Variants in GOLGB1 observed in about 807,000 individuals in gnomAD.
The protein encoded by GOLGB1 is golgin B1, also known as golgin subfamily B member 1.
In GOLGB1, 174 loss-of-function variants were observed where a neutral mutation model predicts 336.9. That is an observed-to-expected ratio of 0.52 (90% CI 0.46 to 0.59). The LOEUF is 0.59. Among genes scored for constraint, GOLGB1 ranks in the 20% least tolerant of loss-of-function variants. The probability of loss-of-function intolerance (pLI) is 0.00; values close to 1 mark genes in which losing one functional copy is unlikely to be tolerated. For synonymous variants in GOLGB1, 1,208 were observed against 1,289.2 expected (o/e 0.94, Z 1.35); for missense variants, 3,331 against 3,645.3 (o/e 0.91, Z 2.22).
At position 121,692,586 on chromosome 3, in the gene GOLGB1, A is replaced by G; in HGVS notation, c.6783-5T>C. The G allele has an allele frequency of 6.5e-7, 1 of 1,527,430 alleles. No homozygotes were observed. Among genetic ancestry groups the G allele is most frequent in the African/African-American group, 1.4e-5 (1 of 71,772 alleles). 94.6% of individuals were successfully genotyped at this position (1,527,430 alleles called of 1,614,324 possible). ...ATCTGCTTGTCATGTTCAAGCCTGA[A>G]ACAGAGAGAAGGTCATTAGTTACAG... On this transcript the variant is annotated splice_region_variant and splice_polypyrimidine_tract_variant and intron_variant, in intron 13 of 21. Coordinates refer to ENST00000614479, the MANE Select transcript of GOLGB1 (RefSeq NM_001366282.2).
rs752086652 is a variant in GOLGB1 at position 121,696,182 on chromosome 3, C to G, written c.4341G>C (p.Gln1447His). ...CATGCTCTTTGGCTTGCATTTCTAG[C>G]TGTGTATGCAGAGCCTTAATTAAAT... is the stretch of plus-strand genomic sequence containing the variant. ...QEDLIKALHTQLEMQAKEHDE... is the reference protein window; with the variant it reads ...QEDLIKALHTHLEMQAKEHDE... The change falls in exon 13 of 22, where the codon CAG becomes CAC. Residue 1447 changes from glutamine (Q) to histidine (H), a missense_variant. Transcript: ENST00000614479. 1 of 1,613,940 alleles carries G rather than the reference C, an allele frequency of 6.2e-7. No homozygotes were observed. Among genetic ancestry groups the G allele is most frequent in the Admixed American group, 1.7e-5 (1 of 60,010 alleles).
At chr3:121,716,714 T>A in intron 9 of GOLGB1, 23 bp downstream of exon 9, 1 of 1,576,544 alleles carries the variant, frequency 6.3e-7, no homozygotes, top group East Asian at 2.2e-5. Flanking sequence ...AGATGTGGAC[T>A]TCAAAAGCAA....
chr3:121,730,007 T>C lies in GOLGB1; in HGVS notation c.107A>G (p.Gln36Arg). 1.2e-6 allele frequency: 2 copies of C among 1,611,582 alleles called. No individual in the cohort carries two copies. The highest frequency in any genetic ancestry group is 1.7e-6 in the Non-Finnish European group (2 of 1,178,516). The change falls in exon 3 of 22, where the codon CAA becomes CGA. Residue 36 changes from glutamine (Q) to arginine (R), a missense_variant. Coordinates refer to ENST00000614479, the MANE Select transcript of GOLGB1 (RefSeq NM_001366282.2). ...ATTATTAAATTCCATGTCAGATTCT[T>C]GGTGTAATTCCTAATATTTAGGAAA... ...MRAPLDPELH[Q>R]ESDMEFNNTT...
chr3:121,743,316 G>A (rs570058602), intron 1 of GOLGB1, among the ~76,000 whole-genome samples: 109 of 152,268 alleles, frequency 7.2e-4, no homozygotes, highest in African/African-American at 2.5e-3. Context: ...TCCTTGGCAG[G>A]GACATGGATG....
At position 121,726,931 on chromosome 3, in the gene GOLGB1, C is replaced by T; in HGVS notation, c.513G>A (p.Gln171=). 1.2e-6 allele frequency: 2 copies of T among 1,601,592 alleles called. No individual in the cohort carries two copies. The highest frequency in any genetic ancestry group is 1.7e-6 in the Non-Finnish European group (2 of 1,172,816). The change falls in exon 5 of 22, where the codon CAG becomes CAA. Residue 171 remains glutamine, a synonymous_variant. Transcript: ENST00000614479. ...STLQAQLTQA[Q]AEQPAQSSTE... Reference sequence around the variant, plus strand: ...CCCCTACCTGTGCAGGTTGTTCTGCCTGTGCCTGAGTAAGCTGGGCTTGCA... The same window carrying T: ...CCCCTACCTGTGCAGGTTGTTCTGCTTGTGCCTGAGTAAGCTGGGCTTGCA...
intron 1 of GOLGB1, among the ~76,000 whole-genome samples, chr3:121,743,883 T>A (rs1947056299): frequency 6.6e-6 from 1 of 152,122 alleles, no homozygotes; most frequent in African/African-American, 2.4e-5. Flanking sequence ...AAATTTTAAT[T>A]AGAATATTAA....
intron 15 of GOLGB1, among the ~76,000 whole-genome samples, chr3:121,678,952 G>C (rs1940744896): frequency 1.3e-5 from 2 of 152,056 alleles, no homozygotes; most frequent in South Asian, 4.1e-4. Flanking sequence ...TATACACTAA[G>C]TGTTTAATCT....
chr3:121,749,925 T>G (rs958894805), upstream of GOLGB1, among the ~76,000 whole-genome samples: 1 of 151,516 alleles, frequency 6.6e-6, no homozygotes. Context: ...CCCTAAAGAG[T>G]GAATGAGGGG....
Position 121,696,301 on chromosome 3 carries a change from T to G in GOLGB1, c.4222A>C (p.Lys1408Gln), listed in dbSNP as rs1003085431. The G allele has an allele frequency of 2.5e-6, 4 of 1,614,032 alleles. No homozygotes were observed. The Admixed American group carries it at 5.0e-5, about 20-fold the overall frequency. The change falls in exon 13 of 22, where the codon AAA becomes CAA. Residue 1408 changes from lysine (K) to glutamine (Q), a missense_variant. Coordinates refer to ENST00000614479, the MANE Select transcript of GOLGB1 (RefSeq NM_001366282.2). ...KLDELQKLIS[K>Q]KEEDVSYLSG... is the part of the protein sequence containing the mutation. ...AGGTAGCTAACGTCTTCTTCCTTTT[T>G]GCTTATGAGTTTTTGCAGTTCATCC... is the stretch of plus-strand genomic sequence containing the variant.
At chr3:121,719,837 A>G (rs1945054494) in intron 6 of GOLGB1, 69 bp from the exon 7 acceptor site, 2 of 1,383,652 alleles carry the variant, frequency 1.4e-6, no homozygotes, top group Non-Finnish European at 1.9e-6. Flanking sequence ...AAACTCACAG[A>G]CTACTTTCCA....
rs754534618 is a variant in GOLGB1, at chr3:121,716,846, T to C, written c.1179A>G (p.Gly393=). The C allele has an allele frequency of 3.1e-6, 5 of 1,613,614 alleles. No individual in the cohort carries two copies. The African/African-American group carries it at 4.0e-5, about 13-fold the overall frequency. ...CATCACAGGCAGACTGCAGCTCTTG[T>C]CCAGTCTTTTGAAGACTCAAAATAT... ...TSHILSLQKT[G]QELQSACDAL... The change falls in exon 9 of 22, where the codon GGA becomes GGG. Residue 393 remains glycine (G), a synonymous_variant. Coordinates refer to ENST00000614479, the MANE Select transcript of GOLGB1 (RefSeq NM_001366282.2).
At chr3:121,711,695 T>C (rs920178292) in intron 10 of GOLGB1, among the ~76,000 whole-genome samples, 5 of 152,128 alleles carry the variant, frequency 3.3e-5, no homozygotes, top group African/African-American at 1.2e-4. Flanking sequence ...TTAGCATACA[T>C]TGGAAAATGA....
chr3:121,710,739 C>T (rs1944286143), intron 10 of GOLGB1, among the ~76,000 whole-genome samples: 1 of 152,122 alleles, frequency 6.6e-6, no homozygotes, highest in African/African-American at 2.4e-5. Flanking sequence ...TGCCTGTAGT[C>T]CCAACTACTT....
Position 121,693,925 on chromosome 3 carries a change from A to G in GOLGB1, c.6598T>C (p.Ser2200Pro), listed in dbSNP as rs749309944. Reference protein sequence around the residue: ...TQLAAFTKSMSSLQDDRDRVI... With the variant: ...TQLAAFTKSMPSLQDDRDRVI... ...CTGTCACGATCATCCTGGAGGGAAG[A>G]CATGCTCTTAGTAAAGGCTGCAAGC... is the stretch of plus-strand genomic sequence containing the variant. The change falls in exon 13 of 22, where the codon TCT becomes CCT. Residue 2200 changes from serine (S) to proline (P), a missense_variant. Transcript: ENST00000614479. 6.2e-7 allele frequency: 1 copy of G among 1,614,026 alleles called. No individual in the cohort carries two copies. Among genetic ancestry groups the G allele is most frequent in the South Asian group, 1.1e-5 (1 of 91,082 alleles).
At chr3:121,734,567 CAAAG>C (rs1271983249) in intron 1 of GOLGB1, among the ~76,000 whole-genome samples, 1 of 151,866 alleles carries the variant, frequency 6.6e-6, no homozygotes. Flanking sequence ...GATACTTCAC[CAAAG>C]AAGATAGATG....
chr3:121,733,207 C>T (rs1254138193), intron 1 of GOLGB1, among the ~76,000 whole-genome samples: 2 of 148,808 alleles, frequency 1.3e-5, no homozygotes, highest in Admixed American at 6.8e-5. Context: ...CCTGTAGTCC[C>T]AGCTACTCTG....
chr3:121,704,627 T>G (rs1002900734), intron 10 of GOLGB1, among the ~76,000 whole-genome samples: 2 of 151,820 alleles, frequency 1.3e-5, no homozygotes, highest in Non-Finnish European at 2.9e-5. Context: ...AAATACAAAA[T>G]TAGCCAGGCG....
At chr3:121,722,057 G>GT (rs1560295641) in intron 6 of GOLGB1, among the ~76,000 whole-genome samples, 2 of 152,140 alleles carry the variant, frequency 1.3e-5, no homozygotes, top group African/African-American at 4.8e-5. Context: ...ACATTGTGAG[G>GT]TTTTCTGGTG....
chr3:121,683,105 T>C (rs1004612107), intron 14 of GOLGB1, among the ~76,000 whole-genome samples: 6 of 140,898 alleles, frequency 4.3e-5, no homozygotes, highest in Non-Finnish European at 9.1e-5. Flanking sequence ...TCTCAGTATG[T>C]TGCCCAGGCT....
Sources: gnomAD v4.1 joint callset for allele counts (sites outside exome capture counted in the v4.1 genomes callset) on GRCh38, gnomAD v4.1.1 for gene constraint, MANE v1.5 for transcripts, NCBI Gene and HGNC (gene_info 2026-07-23, HGNC 2026-07-21) for gene names.